UNC5D: variants seen among roughly 807,000 people sequenced by gnomAD.
UNC5D encodes netrin receptor UNC5D.
A neutral mutation model predicts 105.4 loss-of-function variants in UNC5D; 39 were observed. That is an observed-to-expected ratio of 0.37 (90% CI 0.29 to 0.48). The LOEUF is 0.48. Among genes scored for constraint, UNC5D ranks in the 20% least tolerant of loss-of-function variants. The probability of loss-of-function intolerance (pLI) is 0.98; values close to 1 mark genes in which losing one functional copy is unlikely to be tolerated. For missense variants in UNC5D, 991 were observed against 1,202.4 expected (o/e 0.82, Z 2.60); for synonymous variants, 452 against 450.4 (o/e 1.00, Z -0.04).
intron 1 of UNC5D, among the ~76,000 whole-genome samples, chr8:35,314,371 T>C (rs1439827796): frequency 6.6e-6 from 1 of 152,184 alleles, no homozygotes; most frequent in Non-Finnish European, 1.5e-5. Context: ...TCATACCCTA[T>C]GAAAGTACAA....
intron 10 of UNC5D, 185 bp downstream of exon 10, chr8:35,726,714 C>A: frequency 1.2e-6 from 1 of 855,116 alleles, no homozygotes; most frequent in Non-Finnish European, 1.8e-6. Context: ...TTAGATTTTG[C>A]AGTCTTCATC....
chr8:35,663,619 C>T (rs751095694), intron 4 of UNC5D, among the ~76,000 whole-genome samples: 1 of 151,970 alleles, frequency 6.6e-6, no homozygotes, highest in Non-Finnish European at 1.5e-5. Flanking sequence ...GTAGCATATG[C>T]AGCAATGATG....
At chr8:35,533,355 G>T (rs993679069) in intron 1 of UNC5D, among the ~76,000 whole-genome samples, 3 of 152,208 alleles carry the variant, frequency 2.0e-5, no homozygotes, top group African/African-American at 7.2e-5. Context: ...CAGTTAGGCT[G>T]CTCGGGGGTC....
chr8:35,565,987 A>T (rs1817308604), intron 2 of UNC5D, among the ~76,000 whole-genome samples: 1 of 152,150 alleles, frequency 6.6e-6, no homozygotes, highest in South Asian at 2.1e-4. Context: ...ATTAAAGTGT[A>T]AACAAAGAAA....
intron 1 of UNC5D, among the ~76,000 whole-genome samples, chr8:35,350,422 A>G (rs1585643542): frequency 1.3e-5 from 2 of 152,052 alleles, no homozygotes; most frequent in East Asian, 3.9e-4. Flanking sequence ...TTGATGTCTT[A>G]AGTAAATAAA....
intron 1 of UNC5D, among the ~76,000 whole-genome samples, chr8:35,457,388 C>T (rs1269580584): frequency 5.9e-5 from 9 of 152,154 alleles, no homozygotes; most frequent in Admixed American, 3.9e-4. Context: ...TCCATCTCAA[C>T]AGAATGACAA....
chr8:35,575,515 G>A (rs562802845), intron 3 of UNC5D, among the ~76,000 whole-genome samples: 1 of 152,250 alleles, frequency 6.6e-6, no homozygotes, highest in South Asian at 2.1e-4. Context: ...AAGTTAGGAA[G>A]CATGAGAATC....
At chr8:35,727,175 C>T (rs985622175) in intron 10 of UNC5D, 1 of 152,444 alleles carries the variant, frequency 6.6e-6, no homozygotes, top group Admixed American at 6.5e-5. Flanking sequence ...GTATCCAGCC[C>T]AGATCACTTT....
At chr8:35,313,285 T>A (rs557546396) in intron 1 of UNC5D, among the ~76,000 whole-genome samples, 1 of 152,192 alleles carries the variant, frequency 6.6e-6, no homozygotes, top group South Asian at 2.1e-4. Flanking sequence ...TTTGGTGGAG[T>A]GTGTAATAAT....
Position 35,521,269 on chromosome 8 carries a change from A to C in UNC5D, c.104-28023A>C, listed in dbSNP as rs1168726512. The stretch of plus-strand genomic sequence containing the variant: ...AGGTGAGAGAAAATAACAAAGAAGA[A>C]GACGAGTGGGCATATTACTTTTATG... On this transcript the variant is annotated intron_variant, in intron 1 of 16. Transcript: ENST00000404895. Among the ~76,000 whole-genome samples the C allele has an allele frequency of 5.9e-5, 9 of 152,266 alleles. No homozygotes were observed. In the East Asian group the frequency reaches 7.7e-4, roughly 13 times the overall value.
intron 1 of UNC5D, among the ~76,000 whole-genome samples, chr8:35,289,253 G>C (rs891028529): frequency 6.6e-6 from 1 of 152,070 alleles, no homozygotes; most frequent in Non-Finnish European, 1.5e-5. Context: ...ACAATAAAAA[G>C]AGACAAAGAA....
At chr8:35,336,792 T>G (rs1301128772) in intron 1 of UNC5D, among the ~76,000 whole-genome samples, 2 of 2,406 alleles carry the variant, frequency 8.3e-4, no homozygotes, top group African/African-American at 8.8e-4. Context: ...GGAAATAGTG[T>G]TTTTTTTTTT....
rs541434026 is a variant in UNC5D at position 35,578,630 on chromosome 8, C to T, written c.466+10389C>T. On this transcript the variant is annotated intron_variant, in intron 3 of 16. Coordinates refer to ENST00000404895, the MANE Select transcript of UNC5D (RefSeq NM_080872.4). ...CTGCCACATCTTTTTAGTTTCCATC[C>T]GTAGATGGCATGGGGTTAATCAATT... 5.3e-5 allele frequency among the ~76,000 whole-genome samples: 8 copies of T among 152,252 alleles called. No individual in the cohort carries two copies. In the South Asian group the frequency reaches 8.3e-4, roughly 16 times the overall value.
At chr8:35,369,133 AT>A (rs1802291296) in intron 1 of UNC5D, among the ~76,000 whole-genome samples, 1 of 152,152 alleles carries the variant, frequency 6.6e-6, no homozygotes, top group African/African-American at 2.4e-5. Context: ...ATGATATACA[AT>A]TTTAAAGTGT....
intron 1 of UNC5D, among the ~76,000 whole-genome samples, chr8:35,378,180 C>G (rs1190833961): frequency 6.6e-6 from 1 of 152,170 alleles, no homozygotes; most frequent in African/African-American, 2.4e-5. Flanking sequence ...CTTATGGAAG[C>G]CCTTGTTAAC....
chr8:35,539,285 T>A (rs1223898567), intron 1 of UNC5D, among the ~76,000 whole-genome samples: 1 of 152,118 alleles, frequency 6.6e-6, no homozygotes, highest in African/African-American at 2.4e-5. Context: ...GTGTTTGTAT[T>A]TTTCTATAAT....
intron 4 of UNC5D, among the ~76,000 whole-genome samples, chr8:35,617,758 A>G (rs761040073): frequency 7.2e-5 from 11 of 152,244 alleles, no homozygotes; most frequent in Non-Finnish European, 1.5e-4. Flanking sequence ...CTTCCAAGAA[A>G]AACATCCAAC....
At chr8:35,324,288 A>G (rs1809984976) in intron 1 of UNC5D, among the ~76,000 whole-genome samples, 1 of 148,474 alleles carries the variant, frequency 6.7e-6, no homozygotes. Flanking sequence ...CCTATTATCT[A>G]TTCATAATTT....
At chr8:35,251,997 C>T (rs1162280576) in intron 1 of UNC5D, among the ~76,000 whole-genome samples, 1 of 150,902 alleles carries the variant, frequency 6.6e-6, no homozygotes, top group African/African-American at 2.4e-5. Flanking sequence ...TATTACTACC[C>T]TGTTCCTAAC....
Sources: gnomAD v4.1 joint callset for allele counts (sites outside exome capture counted in the v4.1 genomes callset) on GRCh38, gnomAD v4.1.1 for gene constraint, MANE v1.5 for transcripts, NCBI Gene and HGNC (gene_info 2026-07-23, HGNC 2026-07-21) for gene names.